The following PIEZO2 variants were observed in gnomAD, a reference collection of about 807,000 sequenced individuals.
PIEZO2 encodes the protein piezo-type mechanosensitive ion channel component 2.
A neutral mutation model predicts 337.3 loss-of-function variants in PIEZO2; 172 were observed. That is an observed-to-expected ratio of 0.51 (90% CI 0.45 to 0.58). PIEZO2 has a LOEUF of 0.58. Ranked by LOEUF, PIEZO2 falls within the 20% of genes least tolerant of loss-of-function variation. The pLI is 0.00. For synonymous variants in PIEZO2, 1,251 were observed against 1,228.5 expected (o/e 1.02, Z -0.38); for missense variants, 3,028 against 3,391.3 (o/e 0.89, Z 2.66).
rs183809238 is a variant in PIEZO2 at position 11,007,966 on chromosome 18, G to A, written c.161-28306C>T. Among the ~76,000 whole-genome samples the A allele has an allele frequency of 3.9e-4, 59 of 152,198 alleles. 1 individual carries two copies. Among genetic ancestry groups the A allele is most frequent in the Admixed American group, 2.4e-3 (37 of 15,272 alleles). ...ATATGTGAATAAATATAAAACATGC[G>A]CCCCACCAGCTGAAGTCAGGCAGAG... On this transcript the variant is annotated intron_variant, in intron 2 of 55. Transcript: ENST00000674853.
At position 10,750,885 on chromosome 18, in the gene PIEZO2, C is replaced by T. The variant is rs1422995541; in HGVS notation, c.4168-698G>A. ...ATTTGCTCCAACAGCAGCAGTTACT[C>T]GTTATGGATTCCCCAGCCCTGGGAA... On this transcript the variant is annotated intron_variant, in intron 28 of 55. Transcript: ENST00000674853. This position sits in a 1 kb window ranked among gnomAD's most constrained non-coding sequence, Gnocchi z 4.1. Among the ~76,000 whole-genome samples, 3 of 152,198 alleles carry T rather than the reference C, an allele frequency of 2.0e-5. No homozygotes were observed. The highest frequency in any genetic ancestry group is 4.4e-5 in the Non-Finnish European group (3 of 68,030).
At chr18:10,959,253 G>T (rs921508937) in intron 3 of PIEZO2, among the ~76,000 whole-genome samples, 2 of 152,056 alleles carry the variant, frequency 1.3e-5, no homozygotes, top group African/African-American at 2.4e-5. Flanking sequence ...CACAGTAAAA[G>T]GTATACTTCC....
rs190739707 is a variant in PIEZO2 at position 10,905,974 on chromosome 18, G to A, written c.329+5212C>T. ...CTCCTGGGAGTGGGCCATCAGGACA[G>A]GTTTTACTGAGCAATAATATCTAAA... is the stretch of plus-strand genomic sequence containing the variant. On this transcript the variant is annotated intron_variant, in intron 4 of 55. Coordinates refer to ENST00000674853, the MANE Select transcript of PIEZO2 (RefSeq NM_001378183.1). Among the ~76,000 whole-genome samples the A allele has an allele frequency of 5.1e-4, 78 of 152,250 alleles. 1 individual carries two copies. Among genetic ancestry groups the A allele is most frequent in the African/African-American group, 1.9e-3 (77 of 41,548 alleles).
rs947937469 is a variant in PIEZO2 at position 10,705,577 on chromosome 18, C to G, written c.5758G>C (p.Ala1920Pro). Residue 1920 changes from alanine (A) to proline (P), a missense_variant, in exon 41 of 56, where the codon GCC (alanine) becomes CCC (proline). By Grantham distance (27) the Ala-to-Pro change is conservative. Transcript: ENST00000674853. ...YDVGAMGAEE[A>P]SLTPEEELTQ... ...AGCTCTTCCTCTGGGGTGAGGCTGG[C>G]CTCCTCGGCACCCATGGCTCCCACA... The G allele has an allele frequency of 3.9e-6, 6 of 1,537,100 alleles. No individual in the cohort carries two copies. The African/African-American group carries it at 6.8e-5, about 18-fold the overall frequency.
chr18:10,911,911 T>C (rs2030516468), intron 3 of PIEZO2, among the ~76,000 whole-genome samples: 1 of 152,192 alleles, frequency 6.6e-6, no homozygotes, highest in Non-Finnish European at 1.5e-5. Context: ...GGAACTCTCC[T>C]GTTAAACGTA....
intron 2 of PIEZO2, among the ~76,000 whole-genome samples, chr18:11,064,488 G>T (rs2038085214): frequency 6.6e-6 from 1 of 152,156 alleles, no homozygotes; most frequent in Non-Finnish European, 1.5e-5. Context: ...GTTAGTTCAT[G>T]ATATTTCTTT....
chr18:10,731,432 T>C lies in PIEZO2; in HGVS notation c.5004A>G (p.Lys1668=), dbSNP rs2144070719. 1 of 1,535,036 alleles carries C rather than the reference T, an allele frequency of 6.5e-7. No homozygotes were observed. Among genetic ancestry groups the C allele is most frequent in the East Asian group, 2.5e-5 (1 of 40,754 alleles). Residue 1668 remains lysine (K), a synonymous_variant, in exon 36 of 56, where the codon AAA becomes AAG. Coordinates refer to ENST00000674853, the MANE Select transcript of PIEZO2 (RefSeq NM_001378183.1). Reference sequence around the variant, plus strand: ...CCTCCTTGGATCCTTTCCGCCTTCGTTTCCGTTCTTCTCTTGCAGACCTTT... The same window carrying C: ...CCTCCTTGGATCCTTTCCGCCTTCGCTTCCGTTCTTCTCTTGCAGACCTTT... ...EKKRSAREER[K]RRRKGSKEGP...
chr18:10,792,208 C>A (rs2039431493), intron 13 of PIEZO2, among the ~76,000 whole-genome samples: 1 of 152,222 alleles, frequency 6.6e-6, no homozygotes, highest in South Asian at 2.1e-4. Flanking sequence ...CTTGGCCTCC[C>A]AAAATGCTGG....
intron 3 of PIEZO2, among the ~76,000 whole-genome samples, chr18:10,934,008 C>T (rs1307351578): frequency 2.0e-5 from 3 of 152,160 alleles, no homozygotes; most frequent in Non-Finnish European, 2.9e-5. Context: ...TATAAATTAC[C>T]AAGTCCAGGG....
At position 10,859,775 on chromosome 18, in the gene PIEZO2, G is replaced by A. The variant is rs543348375; in HGVS notation, c.493-2564C>T. On this transcript the variant is annotated intron_variant, in intron 5 of 55. Coordinates refer to ENST00000674853, the MANE Select transcript of PIEZO2 (RefSeq NM_001378183.1). This position sits in a 1 kb window ranked among gnomAD's most constrained non-coding sequence, Gnocchi z 4.9. ...GATCTTCAACCACTCCGTCTAATGA[G>A]AGGCACACATGATTTGCTTTGCCAC... Among the ~76,000 whole-genome samples, 13 of 152,298 alleles carry A rather than the reference G, an allele frequency of 8.5e-5. No homozygotes were observed. The highest frequency in any genetic ancestry group is 6.2e-4 in the South Asian group (3 of 4,828).
intron 47 of PIEZO2, among the ~76,000 whole-genome samples, chr18:10,692,492 TTC>T (rs887044196): frequency 6.8e-6 from 1 of 146,808 alleles, no homozygotes; most frequent in Non-Finnish European, 1.5e-5. Context: ...CCTTCTTTCT[TTC>T]TCTCTCTCTC....
chr18:11,025,488 C>T (rs2036505597), intron 2 of PIEZO2, among the ~76,000 whole-genome samples: 1 of 152,128 alleles, frequency 6.6e-6, no homozygotes, highest in African/African-American at 2.4e-5. Context: ...GCAGAGCATA[C>T]TTTGAATGGC....
At chr18:10,817,287 A>C (rs1049650217) in intron 7 of PIEZO2, among the ~76,000 whole-genome samples, 6 of 152,240 alleles carry the variant, frequency 3.9e-5, no homozygotes, top group Non-Finnish European at 7.3e-5. Flanking sequence ...AGGTAATATC[A>C]AATACGATGA....
intron 2 of PIEZO2, among the ~76,000 whole-genome samples, chr18:11,063,163 C>T (rs1327921106): frequency 6.6e-6 from 1 of 151,754 alleles, no homozygotes; most frequent in Admixed American, 6.6e-5. Context: ...CCATCATTCT[C>T]AGCAAACTAT....
At position 10,759,520 on chromosome 18, in the gene PIEZO2, G is replaced by T; in HGVS notation, c.3719C>A (p.Pro1240Gln). The T allele has an allele frequency of 6.5e-7, 1 of 1,537,228 alleles. No homozygotes were observed. The highest frequency in any genetic ancestry group is 8.7e-7 in the Non-Finnish European group (1 of 1,146,928). ...AGGGTTGGGCCGCACAATGAAATCTGGGAAGTACAGCCACTTTATGATGTT... is the reference window on the plus strand; with the variant it reads ...AGGGTTGGGCCGCACAATGAAATCTTGGAAGTACAGCCACTTTATGATGTT... ...NDNIIKWLYFPDFIVRPNPVF... is the reference protein window; with the variant it reads ...NDNIIKWLYFQDFIVRPNPVF... Residue 1240 changes from proline to glutamine, a missense_variant, in exon 26 of 56, where the codon CCA becomes CAA. Physicochemically the swap from Pro to Gln is moderately conservative, Grantham distance 76. This residue lies in a region of PIEZO2 where 1,925 missense variants were observed against 2,051.9 expected (regional missense o/e 0.94). Coordinates refer to ENST00000674853, the MANE Select transcript of PIEZO2 (RefSeq NM_001378183.1). The surrounding 1 kb of genome is among the most constrained non-coding windows in gnomAD (Gnocchi z 5.5).
At chr18:10,820,925 T>C (rs1276640928) in intron 7 of PIEZO2, among the ~76,000 whole-genome samples, 1 of 152,230 alleles carries the variant, frequency 6.6e-6, no homozygotes, top group African/African-American at 2.4e-5. Context: ...TTCAGAAATC[T>C]ATATGAGCTC....
chr18:10,839,980 T>G (rs906940993), intron 7 of PIEZO2, among the ~76,000 whole-genome samples: 2 of 152,196 alleles, frequency 1.3e-5, no homozygotes, highest in African/African-American at 4.8e-5. Flanking sequence ...AAGTACAGGT[T>G]AAATGTTTCT....
Position 10,713,964 on chromosome 18 carries a change from A to G in PIEZO2, c.5423+800T>C, listed in dbSNP as rs2035915108. Among the ~76,000 whole-genome samples, 1 of 152,152 alleles carries G rather than the reference A, an allele frequency of 6.6e-6. No homozygotes were observed. Among genetic ancestry groups the G allele is most frequent in the Non-Finnish European group, 1.5e-5 (1 of 68,016 alleles). On this transcript the variant is annotated intron_variant, in intron 39 of 55. Transcript: ENST00000674853. This position sits in a 1 kb window ranked among gnomAD's most constrained non-coding sequence, Gnocchi z 4.5. The stretch of plus-strand genomic sequence containing the variant: ...CTGAGGCTTTTCTGGGACAGGCAGT[A>G]AGTTGGTCTGCGGTGCAGGAAGAGG...
rs890200993 is a variant in PIEZO2, at chr18:11,109,730, T to C, written c.64+38795A>G. On this transcript the variant is annotated intron_variant, in intron 1 of 55. Coordinates refer to ENST00000674853, the MANE Select transcript of PIEZO2 (RefSeq NM_001378183.1). The surrounding 1 kb of genome is among the most constrained non-coding windows in gnomAD (Gnocchi z 5.1). ...GAGACTCCATCTCAAAAAAAAAAGG[T>C]ACTAGAAACAGAATCCTTAATGCTA... 1.3e-5 allele frequency among the ~76,000 whole-genome samples: 2 copies of C among 151,644 alleles called. No homozygotes were observed. The highest frequency in any genetic ancestry group is 1.3e-4 in the Admixed American group (2 of 15,238).
Sources: gnomAD v4.1 joint callset for allele counts (sites outside exome capture counted in the v4.1 genomes callset) on GRCh38, gnomAD v4.1.1 for gene constraint, gnomAD v4.1.1 regional missense constraint, Gnocchi (gnomAD v3.1) non-coding constraint, MANE v1.5 for transcripts, NCBI Gene and HGNC (gene_info 2026-07-23, HGNC 2026-07-21) for gene names.